The following PRKCE variants were observed in gnomAD, a reference collection of about 807,000 sequenced individuals.
PRKCE encodes protein kinase C epsilon.
Under a neutral mutation model 85.4 loss-of-function variants are expected in PRKCE, and 16 were observed. The observed-to-expected ratio is 0.19, with a 90% CI of 0.13 to 0.28. PRKCE has a LOEUF of 0.28. Among genes scored for constraint, PRKCE ranks in the 10% least tolerant of loss-of-function variants. PRKCE has a pLI of 1.00. For missense variants in PRKCE, 573 were observed against 975.2 expected, an observed-to-expected ratio of 0.59 and a Z score of 5.49; for synonymous variants, 388 against 371.5, an observed-to-expected ratio of 1.04 and a Z score of -0.51.
At chr2:46,126,000 G>A (rs1673810998) in intron 11 of PRKCE, among the ~76,000 whole-genome samples, 1 of 152,232 alleles carries the variant, frequency 6.6e-6, no homozygotes, top group African/African-American at 2.4e-5. Flanking sequence ...GGACCGCCAA[G>A]CCAGAGCCCT....
At chr2:45,948,338 A>T (rs1374146892) in intron 2 of PRKCE, among the ~76,000 whole-genome samples, 1 of 152,234 alleles carries the variant, frequency 6.6e-6, no homozygotes, top group East Asian at 1.9e-4. Context: ...TAGTTAGCAA[A>T]TATAAAAATT....
chr2:46,148,715 C>A (rs1181398035), intron 12 of PRKCE, among the ~76,000 whole-genome samples: 1 of 152,222 alleles, frequency 6.6e-6, no homozygotes, highest in African/African-American at 2.4e-5. Context: ...CCTCTGGTAC[C>A]TTATAGTTGC....
chr2:46,156,401 C>T (rs1677207490), intron 13 of PRKCE, among the ~76,000 whole-genome samples: 1 of 152,230 alleles, frequency 6.6e-6, no homozygotes, highest in African/African-American at 2.4e-5. Context: ...AATTGATTCT[C>T]TGGCAGTTAC....
intron 10 of PRKCE, among the ~76,000 whole-genome samples, chr2:46,032,438 C>T (rs566600045): frequency 3.9e-5 from 6 of 152,198 alleles, no homozygotes; most frequent in Non-Finnish European, 5.9e-5. Flanking sequence ...AAAATGGGCA[C>T]GGGTTTGCTG....
At chr2:45,672,198 A>G (rs570552559) in intron 1 of PRKCE, among the ~76,000 whole-genome samples, 2 of 152,134 alleles carry the variant, frequency 1.3e-5, no homozygotes, top group South Asian at 2.1e-4. Flanking sequence ...CCATTCATCC[A>G]TCATGCTTCC....
chr2:45,674,296 A>G (rs529733100), intron 1 of PRKCE, among the ~76,000 whole-genome samples: 1 of 152,156 alleles, frequency 6.6e-6, no homozygotes, highest in Non-Finnish European at 1.5e-5. Context: ...GGCCGTAATG[A>G]GATATATAAG....
chr2:45,732,577 T>C (rs1187602016), intron 1 of PRKCE, among the ~76,000 whole-genome samples: 1 of 152,158 alleles, frequency 6.6e-6, no homozygotes, highest in East Asian at 1.9e-4. Flanking sequence ...GTAGTAGTAG[T>C]GGTAACAATA....
intron 6 of PRKCE, among the ~76,000 whole-genome samples, chr2:45,994,812 T>C (rs1704088934): frequency 6.6e-6 from 1 of 152,234 alleles, no homozygotes; most frequent in Non-Finnish European, 1.5e-5. Context: ...AGTAGTGTAA[T>C]TGCTGGATCT....
At chr2:45,994,042 T>A (rs531789366) in intron 6 of PRKCE, among the ~76,000 whole-genome samples, 10 of 152,006 alleles carry the variant, frequency 6.6e-5, no homozygotes, top group African/African-American at 2.4e-4. Flanking sequence ...GGTGACCAGG[T>A]TATGTAGAGC....
At chr2:46,046,341 G>C (rs1361982388) in intron 10 of PRKCE, among the ~76,000 whole-genome samples, 2 of 152,222 alleles carry the variant, frequency 1.3e-5, no homozygotes, top group Non-Finnish European at 2.9e-5. Flanking sequence ...TCTAGGGCTA[G>C]AGATCATTTC....
intron 2 of PRKCE, among the ~76,000 whole-genome samples, chr2:45,887,604 G>T (rs1481503386): frequency 2.6e-5 from 4 of 151,960 alleles, no homozygotes; most frequent in Non-Finnish European, 1.5e-5. Context: ...CATTGCAACA[G>T]CCATGATTGA....
chr2:45,782,389 G>A (rs1686258539), intron 1 of PRKCE, among the ~76,000 whole-genome samples: 1 of 152,164 alleles, frequency 6.6e-6, no homozygotes, highest in South Asian at 2.1e-4. Context: ...GCGAGGTGGT[G>A]TTGGGTTAGT....
In PRKCE at chr2:46,123,214, C is replaced by CTTTTTTTTTTT. The variant is rs70937991; in HGVS notation, c.1593-21860_1593-21850dup. Among the ~76,000 whole-genome samples, 64 of 27,364 alleles carry CTTTTTTTTTTT rather than the reference C, an allele frequency of 2.3e-3. 19 individuals are homozygous for CTTTTTTTTTTT. Among genetic ancestry groups the CTTTTTTTTTTT allele is most frequent in the African/African-American group, 3.9e-3 (31 of 7,904 alleles). The allele number at this position is 27,364 out of a possible 152,430, so 18.0% of individuals were successfully genotyped here. On this transcript the variant is annotated intron_variant, in intron 11 of 14. Coordinates refer to ENST00000306156, the MANE Select transcript of PRKCE (RefSeq NM_005400.3). ...AAGCTTTACAAAGGAAAACACTTGC[C>CTTTTTTTTTTT]TTTTTTTTTTTTTTTTTTTTTTTTT...
intron 13 of PRKCE, among the ~76,000 whole-genome samples, chr2:46,156,578 T>C (rs901793468): frequency 6.6e-6 from 1 of 152,200 alleles, no homozygotes; most frequent in Non-Finnish European, 1.5e-5. Context: ...AGGCAAGGCA[T>C]TCAGCGAGAC....
At chr2:45,806,080 C>G (rs1688221190) in intron 1 of PRKCE, among the ~76,000 whole-genome samples, 1 of 152,192 alleles carries the variant, frequency 6.6e-6, no homozygotes, top group Non-Finnish European at 1.5e-5. Flanking sequence ...GATTTTGATG[C>G]AGAGTTTTAG....
intron 1 of PRKCE, among the ~76,000 whole-genome samples, chr2:45,832,313 CTT>C (rs10692501): frequency 4.3e-5 from 6 of 137,938 alleles, no homozygotes; most frequent in East Asian, 2.1e-4. Context: ...CAAGGAGCAA[CTT>C]TTTTTTTTTT....
At chr2:46,182,617 A>C (rs534687112) in intron 14 of PRKCE, among the ~76,000 whole-genome samples, 2 of 152,272 alleles carry the variant, frequency 1.3e-5, no homozygotes, top group East Asian at 3.9e-4. Flanking sequence ...GCTCAAGCCC[A>C]GAGAGAAGAC....
At chr2:45,904,571 T>G (rs1337477156) in intron 2 of PRKCE, among the ~76,000 whole-genome samples, 1 of 152,166 alleles carries the variant, frequency 6.6e-6, no homozygotes, top group Non-Finnish European at 1.5e-5. Flanking sequence ...GCTCTGGGCA[T>G]TTCTTCCCCT....
At chr2:46,076,433 C>T (rs775639966) in intron 10 of PRKCE, among the ~76,000 whole-genome samples, 6 of 152,060 alleles carry the variant, frequency 3.9e-5, no homozygotes, top group South Asian at 2.1e-4. Flanking sequence ...GACAGGGTGG[C>T]GGTAATTTGA....
Sources: gnomAD v4.1 joint callset for allele counts (sites outside exome capture counted in the v4.1 genomes callset) on GRCh38, gnomAD v4.1.1 for gene constraint, MANE v1.5 for transcripts, NCBI Gene and HGNC (gene_info 2026-07-23, HGNC 2026-07-21) for gene names.